Variants in STK39 observed in about 807,000 individuals in gnomAD.
The protein encoded by STK39 is serine/threonine kinase 39.
A neutral mutation model predicts 77.8 loss-of-function variants in STK39; 20 were observed. That is an observed-to-expected ratio of 0.26 (90% CI 0.18 to 0.37). STK39 has a LOEUF of 0.37. Among genes scored for constraint, STK39 ranks in the 10% least tolerant of loss-of-function variants. The pLI is 1.00. For synonymous variants in STK39, 246 were observed against 234.1 expected (o/e 1.05, Z -0.47); for missense variants, 479 against 656.5 (o/e 0.73, Z 2.95).
chr2:167,995,827 T>C (rs115727378), intron 16 of STK39, among the ~76,000 whole-genome samples: 1,645 of 152,216 alleles, frequency 0.011, 30 homozygotes, highest in African/African-American at 0.037. Flanking sequence ...GCACCAGAAA[T>C]TGTCAGAGAG....
chr2:168,221,517 A>G (rs1451594709), intron 1 of STK39, among the ~76,000 whole-genome samples: 1 of 152,198 alleles, frequency 6.6e-6, no homozygotes, highest in Non-Finnish European at 1.5e-5. Flanking sequence ...CAAGACAACT[A>G]GTCCGCAAGA....
intron 10 of STK39, among the ~76,000 whole-genome samples, chr2:168,128,235 T>A (rs992478797): frequency 6.6e-6 from 1 of 152,194 alleles, no homozygotes; most frequent in Non-Finnish European, 1.5e-5. Flanking sequence ...TATAAGCTAA[T>A]GGCTTTTGAA....
At position 168,066,040 on chromosome 2, in the gene STK39, C is replaced by CAA. The variant is rs3835855; in HGVS notation, c.1243-661_1243-660dup. ...CAAAAAACAACACCAACAACAACAA[C>CAA]AAAAAAAACCTCAAAGAGAAACAGC... is the stretch of plus-strand genomic sequence containing the variant. On this transcript the variant is annotated intron_variant, in intron 12 of 17. Coordinates refer to ENST00000355999, the MANE Select transcript of STK39 (RefSeq NM_013233.3). Among the ~76,000 whole-genome samples the CAA allele has an allele frequency of 1.3e-4, 20 of 151,546 alleles. No homozygotes were observed. In the South Asian group the frequency reaches 4.0e-3, roughly 30 times the overall value.
chr2:168,153,955 C>A (rs1574508486), intron 5 of STK39, among the ~76,000 whole-genome samples: 1 of 152,160 alleles, frequency 6.6e-6, no homozygotes, highest in African/African-American at 2.4e-5. Context: ...AGTTTAACAG[C>A]ATTAATCCAG....
intron 16 of STK39, among the ~76,000 whole-genome samples, chr2:167,972,701 T>C (rs1020655578): frequency 1.3e-4 from 20 of 152,202 alleles, no homozygotes; most frequent in African/African-American, 4.6e-4. Flanking sequence ...AAAGGCGCTA[T>C]AGTTGAAAGT....
intron 16 of STK39, among the ~76,000 whole-genome samples, chr2:167,999,864 G>T (rs1683951491): frequency 6.6e-6 from 1 of 152,198 alleles, no homozygotes; most frequent in Non-Finnish European, 1.5e-5. Flanking sequence ...CTTCTGCATG[G>T]AAGCAGGTAC....
chr2:168,160,469 T>TAGCAACAGCAGTAGC (rs150007342), intron 5 of STK39, among the ~76,000 whole-genome samples: 49,207 of 151,808 alleles, frequency 0.32, 8,521 homozygotes, highest in Non-Finnish European at 0.39. Flanking sequence ...GTAGTAATAG[T>TAGCAACAGCAGTAGC]AGCAACAGCA....
intron 5 of STK39, among the ~76,000 whole-genome samples, chr2:168,141,461 T>C (rs1483947015): frequency 6.6e-6 from 1 of 152,236 alleles, no homozygotes; most frequent in Non-Finnish European, 1.5e-5. Context: ...GATTTAGGGA[T>C]ACTCAACCTA....
chr2:168,247,073 A>T lies in STK39; in HGVS notation c.208+155T>A, dbSNP rs760687437. Among the ~76,000 whole-genome samples the T allele has an allele frequency of 1.3e-3, 172 of 137,378 alleles. 4 individuals carry two copies. The highest frequency in any genetic ancestry group is 3.6e-3 in the Middle Eastern group (1 of 280). The allele number at this position is 137,378 out of a possible 152,430, so 90.1% of individuals were successfully genotyped here. ...ATACATTAAAAATTAAAAAAAAAAA[A>T]AAAAAAAAAAAAAAAACTGTTGAAG... On this transcript the variant is annotated intron_variant, in intron 1 of 17. Transcript: ENST00000355999.
Position 168,118,621 on chromosome 2 carries a change from A to AAAC in STK39, c.1089+10917_1089+10919dup, listed in dbSNP as rs1220295311. Among the ~76,000 whole-genome samples the AAAC allele has an allele frequency of 1.9e-4, 25 of 134,346 alleles. 1 individual carries two copies. The highest frequency in any genetic ancestry group is 2.8e-4 in the Non-Finnish European group (18 of 63,786). 88.1% of individuals were successfully genotyped at this position (134,346 alleles called of 152,430 possible). The stretch of plus-strand genomic sequence containing the variant: ...TGCTTTCAAAAAAAAAAAAAAAAAA[A>AAAC]AACAACAACTCAATTCACCAAATGA... On this transcript the variant is annotated intron_variant, in intron 10 of 17. Coordinates refer to ENST00000355999, the MANE Select transcript of STK39 (RefSeq NM_013233.3).
At chr2:168,146,983 A>C (rs756699778) in intron 5 of STK39, among the ~76,000 whole-genome samples, 3 of 152,260 alleles carry the variant, frequency 2.0e-5, no homozygotes, top group Non-Finnish European at 4.4e-5. Flanking sequence ...AATAAAATTC[A>C]CAGTCCTTCA....
At chr2:168,227,803 A>G (rs1402131100) in intron 1 of STK39, among the ~76,000 whole-genome samples, 49 of 152,152 alleles carry the variant, frequency 3.2e-4, no homozygotes, top group Admixed American at 3.1e-3. Context: ...GACTACAGGC[A>G]CCCACCACCA....
intron 10 of STK39, among the ~76,000 whole-genome samples, chr2:168,078,962 A>G (rs1686155292): frequency 6.6e-6 from 1 of 152,196 alleles, no homozygotes; most frequent in African/African-American, 2.4e-5. Flanking sequence ...CCACCTATCA[A>G]GAACCTACTG....
chr2:168,066,043 A>C (rs192449921), intron 12 of STK39, among the ~76,000 whole-genome samples: 2,902 of 152,028 alleles, frequency 0.019, 97 homozygotes, highest in African/African-American at 0.065. Flanking sequence ...ACAACAACAA[A>C]AAAAACCTCA....
intron 5 of STK39, among the ~76,000 whole-genome samples, chr2:168,153,312 T>C (rs575763560): frequency 6.6e-6 from 1 of 152,350 alleles, no homozygotes; most frequent in South Asian, 2.1e-4. Context: ...CTCACGGAGC[T>C]GACTTTTAAG....
chr2:168,060,026 A>G lies in STK39; in HGVS notation c.1376+3474T>C, dbSNP rs527641502. On this transcript the variant is annotated intron_variant, in intron 14 of 17. Transcript: ENST00000355999. The stretch of plus-strand genomic sequence containing the variant: ...ATTTATAGAATGAATGAATGTATTT[A>G]CCATTTTCGTTTACTTTAGAACACG... Among the ~76,000 whole-genome samples, 6 of 152,320 alleles carry G rather than the reference A, an allele frequency of 3.9e-5. 1 individual carries two copies. Among genetic ancestry groups the G allele is most frequent in the African/African-American group, 1.4e-4 (6 of 41,572 alleles).
chr2:167,978,932 G>A (rs544427475), intron 16 of STK39, among the ~76,000 whole-genome samples: 16 of 152,064 alleles, frequency 1.1e-4, no homozygotes, highest in African/African-American at 3.6e-4. Context: ...CAATAAAAAG[G>A]AATAAATTAT....
chr2:168,035,171 T>G (rs1228136814), intron 14 of STK39, among the ~76,000 whole-genome samples: 1 of 152,206 alleles, frequency 6.6e-6, no homozygotes, highest in African/African-American at 2.4e-5. Context: ...GATTTCTGCC[T>G]TTGAGGGGTT....
chr2:168,113,083 T>A (rs2105473591), intron 10 of STK39: 1 of 152,314 alleles, frequency 6.6e-6, no homozygotes, highest in South Asian at 2.1e-4. Context: ...CTAAACTGTT[T>A]CCCAGCCCTC....
Sources: allele counts gnomAD v4.1 joint callset (sites outside exome capture counted in the v4.1 genomes callset), GRCh38; gene constraint gnomAD v4.1.1; transcripts MANE v1.5; gene names NCBI Gene and HGNC (gene_info 2026-07-23, HGNC 2026-07-21).